Variants in PITRM1 observed in about 807,000 individuals in gnomAD.
PITRM1 encodes presequence protease, mitochondrial.
Under a neutral mutation model 129.9 loss-of-function variants are expected in PITRM1, and 100 were observed. The ratio of observed to expected loss-of-function variants is 0.77; its 90% CI spans 0.65 to 0.91. PITRM1 has a LOEUF of 0.91. PITRM1 is among the 40% of genes least tolerant of loss of function. PITRM1 has a pLI of 0.00. For missense variants in PITRM1, 1,471 were observed against 1,318.3 expected (o/e 1.12, Z -1.79); for synonymous variants, 591 against 508.8 (o/e 1.16, Z -2.17).
At chr10:3,165,548 A>C (rs1246712944) in intron 4 of PITRM1, 21 bp from the exon 5 acceptor site, 15 of 1,298,296 alleles carry the variant, frequency 1.2e-5, no homozygotes, top group Non-Finnish European at 1.7e-5. Flanking sequence ...ATGAAAAGTG[A>C]AATTGTAAAA....
rs1158481328 is a variant in PITRM1 at position 3,167,001 on chromosome 10, G to A, written c.201C>T (p.Leu67=). 1.2e-6 allele frequency: 2 copies of A among 1,610,760 alleles called. No individual in the cohort carries two copies. Among genetic ancestry groups the A allele is most frequent in the South Asian group, 1.1e-5 (1 of 90,172 alleles). The part of the protein sequence containing the change: ...VPELFLTAVK[L]THDDTGARYL... Reference sequence around the variant, plus strand: ...ACCTGGCTCCTGTGTCATCATGGGTGAGCTTCACTGCAGTCAGGAACAGCT... The same window carrying A: ...ACCTGGCTCCTGTGTCATCATGGGTAAGCTTCACTGCAGTCAGGAACAGCT... The change falls in exon 3 of 27, where the codon CTC becomes CTT. Residue 67 remains leucine (L), a synonymous_variant. Transcript: ENST00000224949.
chr10:3,144,081 G>C, intron 22 of PITRM1: 1 of 594,522 alleles, frequency 1.7e-6, no homozygotes, highest in Non-Finnish European at 3.0e-6. Context: ...CGGCACAGGA[G>C]GACACACCCC....
intron 20 of PITRM1, chr10:3,145,951 G>T: frequency 2.0e-6 from 1 of 508,092 alleles, no homozygotes; most frequent in Non-Finnish European, 3.5e-6. Context: ...CATACGCGGA[G>T]CCTGTGACTC....
chr10:3,170,203 A>G lies in PITRM1; in HGVS notation c.60T>C (p.His20=), dbSNP rs747514551. 4.3e-6 allele frequency: 7 copies of G among 1,612,948 alleles called. No individual in the cohort carries two copies. In the Admixed American group the frequency reaches 5.0e-5, roughly 12 times the overall value. The stretch of plus-strand genomic sequence containing the variant: ...TCCATCGCCACGCTCTGTGGTGTGC[A>G]TGTCTAGATTAAAAGTCATCTAAGT... ...LCVLRRLSGG[H]AHHRAWRWNS... The change falls in exon 2 of 27, where the codon CAT becomes CAC. Residue 20 remains histidine (H), a synonymous_variant. Coordinates refer to ENST00000224949, the MANE Select transcript of PITRM1 (RefSeq NM_014889.4).
At chr10:3,148,326 G>T in intron 16 of PITRM1, 35 bp from the exon 17 acceptor site, 1 of 1,561,816 alleles carries the variant, frequency 6.4e-7, no homozygotes, top group Non-Finnish European at 8.6e-7. Context: ...CCGATTACAA[G>T]TCAGTCTTTA....
intron 6 of PITRM1, 110 bp from the exon 7 acceptor site, chr10:3,163,995 C>A (rs1842668443): frequency 6.7e-5 from 35 of 523,804 alleles, no homozygotes; most frequent in Middle Eastern, 5.4e-4. Context: ...ACCTGTAATA[C>A]TTTGCAAATA....
chr10:3,160,733 G>A (rs1373822317), intron 7 of PITRM1, among the ~76,000 whole-genome samples: 1 of 151,642 alleles, frequency 6.6e-6, no homozygotes, highest in Non-Finnish European at 1.5e-5. Flanking sequence ...GGGACTACCA[G>A]GACTACACCA....
chr10:3,146,882 G>T, intron 20 of PITRM1: 1 of 264,984 alleles, frequency 3.8e-6, no homozygotes, highest in Non-Finnish European at 7.2e-6. Context: ...CTCAGTTACG[G>T]ACCATGTGCT....
At chr10:3,144,530 A>G (rs564552006) in intron 21 of PITRM1, among the ~76,000 whole-genome samples, 164 bp from the exon 22 acceptor site, 2 of 152,276 alleles carry the variant, frequency 1.3e-5, no homozygotes, top group East Asian at 3.9e-4. Context: ...TAGGCTGGGC[A>G]GAGTGGCTCA....
chr10:3,147,884 G>T, intron 18 of PITRM1, 103 bp downstream of exon 18: 1 of 1,199,454 alleles, frequency 8.3e-7, no homozygotes, highest in Non-Finnish European at 1.2e-6. Flanking sequence ...AGTCAGACTT[G>T]GAAAACAACA....
At chr10:3,143,667 A>C in intron 22 of PITRM1, 166 bp from the exon 23 acceptor site, 3 of 713,562 alleles carry the variant, frequency 4.2e-6, no homozygotes, top group Non-Finnish European at 7.8e-6. Flanking sequence ...CTCTGCAGCC[A>C]GGTGCTGGGG....
chr10:3,141,341 C>T (rs1840178061), intron 23 of PITRM1, among the ~76,000 whole-genome samples: 2 of 152,208 alleles, frequency 1.3e-5, no homozygotes, highest in South Asian at 2.1e-4. Context: ...TCCAGCACCA[C>T]ACTGCTTAAC....
chr10:3,158,175 G>T, intron 10 of PITRM1, 22 bp from the exon 11 acceptor site: 1 of 1,365,564 alleles, frequency 7.3e-7, no homozygotes. Context: ...AACCAGAAAT[G>T]ATGCACTGGA....
rs1382431085 is a variant in PITRM1 at position 3,151,371 on chromosome 10, A to G, written c.1622-8T>C. ...GACTCCGTAATTCTAGACCTAAAAA[A>G]GAAACAAGAAAAAGGAATATTCAGG... On this transcript the variant is annotated splice_polypyrimidine_tract_variant and splice_region_variant and intron_variant, in intron 14 of 26. Transcript: ENST00000224949. 2 of 1,101,384 alleles carry G rather than the reference A, an allele frequency of 1.8e-6. No individual in the cohort carries two copies. Among genetic ancestry groups the G allele is most frequent in the Admixed American group, 5.2e-5 (2 of 38,696 alleles). 68.2% of individuals were successfully genotyped at this position (1,101,384 alleles called of 1,614,324 possible).
chr10:3,158,714 TC>T (rs1381269664), intron 10 of PITRM1, among the ~76,000 whole-genome samples, 199 bp downstream of exon 10: 3 of 152,208 alleles, frequency 2.0e-5, no homozygotes, highest in African/African-American at 7.2e-5. Flanking sequence ...CATCCAGAGT[TC>T]CCTGATGGGG....
chr10:3,141,069 GT>G (rs202020044), intron 23 of PITRM1, among the ~76,000 whole-genome samples: 2,247 of 152,280 alleles, frequency 0.015, 53 homozygotes, highest in African/African-American at 0.049. Flanking sequence ...AGCCTCCTGA[GT>G]AGCTGGGCCT....
intron 7 of PITRM1, 62 bp from the exon 8 acceptor site, chr10:3,160,392 G>C (rs991476414): frequency 2.2e-6 from 3 of 1,382,348 alleles, no homozygotes; most frequent in African/African-American, 2.8e-5. Context: ...ATCAAGTGCT[G>C]TCTGTTTCAC....
At chr10:3,154,905 G>T (rs1296126479) in intron 14 of PITRM1, among the ~76,000 whole-genome samples, 1 of 152,018 alleles carries the variant, frequency 6.6e-6, no homozygotes, top group African/African-American at 2.4e-5. Flanking sequence ...CCTGGCCTAG[G>T]TCGTCATGTC....
At chr10:3,158,366 T>C (rs368597478) in intron 10 of PITRM1, among the ~76,000 whole-genome samples, 17 of 152,260 alleles carry the variant, frequency 1.1e-4, no homozygotes, top group African/African-American at 4.1e-4. Context: ...ACTTTTGAGT[T>C]ATGGCAGGAT....
Sources: allele counts gnomAD v4.1 joint callset (sites outside exome capture counted in the v4.1 genomes callset), GRCh38; gene constraint gnomAD v4.1.1; transcripts MANE v1.5; gene names NCBI Gene and HGNC (gene_info 2026-07-23, HGNC 2026-07-21).